The following CMTM8 variants were observed in gnomAD, a reference collection of about 807,000 sequenced individuals.
CMTM8 encodes the protein CKLF-like MARVEL transmembrane domain-containing protein 8.
A neutral mutation model predicts 18.6 loss-of-function variants in CMTM8; 12 were observed. That is an observed-to-expected ratio of 0.65 (90% CI 0.41 to 1.05). The LOEUF (loss-of-function observed/expected upper bound fraction) is 1.05. CMTM8 is among the 50% of genes least tolerant of loss of function. The pLI is 0.00. For synonymous variants in CMTM8, 87 were observed against 90.6 expected (o/e 0.96, Z 0.23); for missense variants, 217 against 227.2 (o/e 0.95, Z 0.29).
rs1468841468 is a variant in CMTM8, at chr3:32,285,042, TG to T, written c.147+45925del. On this transcript the variant is annotated intron_variant, in intron 1 of 3. Coordinates refer to ENST00000307526, the MANE Select transcript of CMTM8 (RefSeq NM_178868.5). The stretch of plus-strand genomic sequence containing the variant: ...GTACACACCTTTTCCTCATATGACC[TG>T]GTTCAAGAGCAAATGGAAATTCCTC... Among the ~76,000 whole-genome samples the T allele has an allele frequency of 1.1e-4, 17 of 152,294 alleles. No individual in the cohort carries two copies. The East Asian group carries it at 3.1e-3, about 28-fold the overall frequency.
At chr3:32,279,885 A>G (rs981790892) in intron 1 of CMTM8, among the ~76,000 whole-genome samples, 35 of 147,796 alleles carry the variant, frequency 2.4e-4, no homozygotes, top group Non-Finnish European at 4.2e-4. Flanking sequence ...CTGGTGTGAG[A>G]TGATATCTCA....
intron 2 of CMTM8, among the ~76,000 whole-genome samples, chr3:32,361,289 T>TTTTTTTTTGTTTTTTTTTTTG (rs200857947): frequency 2.8e-5 from 4 of 143,646 alleles, no homozygotes; most frequent in African/African-American, 1.0e-4. Flanking sequence ...CCTAAGAGTT[T>TTTTTTTTTGTTTTTTTTTTTG]TTTTTTCTTT....
chr3:32,309,826 C>T (rs1446230366), intron 1 of CMTM8, among the ~76,000 whole-genome samples: 1 of 152,182 alleles, frequency 6.6e-6, no homozygotes, highest in African/African-American at 2.4e-5. Context: ...TCCTAAGTCA[C>T]AGTAGGGGAT....
At chr3:32,284,657 T>C (rs1315531031) in intron 1 of CMTM8, among the ~76,000 whole-genome samples, 6 of 152,224 alleles carry the variant, frequency 3.9e-5, no homozygotes, top group Admixed American at 6.5e-5. Context: ...ACAGAGGGCA[T>C]GAACTGTGTC....
At chr3:32,244,335 A>C (rs1300747543) in intron 1 of CMTM8, among the ~76,000 whole-genome samples, 1 of 152,188 alleles carries the variant, frequency 6.6e-6, no homozygotes. Context: ...GATTACAGAC[A>C]TGCACTGCCA....
intron 1 of CMTM8, among the ~76,000 whole-genome samples, chr3:32,326,923 A>G (rs1575177995): frequency 6.6e-6 from 1 of 152,288 alleles, no homozygotes; most frequent in South Asian, 2.1e-4. Context: ...ATGGGATTCC[A>G]CTTCCTGGAC....
intron 1 of CMTM8, among the ~76,000 whole-genome samples, chr3:32,356,947 AC>A (rs1395514161): frequency 1.5e-4 from 23 of 151,662 alleles, no homozygotes; most frequent in Admixed American, 1.5e-3. Flanking sequence ...TTTTAAGAGA[AC>A]CCCCTAAAAC....
At chr3:32,242,108 C>T (rs1251839387) in intron 1 of CMTM8, among the ~76,000 whole-genome samples, 1 of 152,196 alleles carries the variant, frequency 6.6e-6, no homozygotes, top group Non-Finnish European at 1.5e-5. Context: ...TTCCCATGTC[C>T]AGTGTCCTCT....
intron 1 of CMTM8, among the ~76,000 whole-genome samples, chr3:32,240,225 C>G (rs1222906433): frequency 2.0e-5 from 3 of 152,190 alleles, no homozygotes; most frequent in Non-Finnish European, 1.5e-5. Context: ...CTTGCTCCCC[C>G]AGTCTCAGAT....
chr3:32,332,724 A>G (rs1359744521), intron 1 of CMTM8, among the ~76,000 whole-genome samples: 2 of 152,102 alleles, frequency 1.3e-5, no homozygotes, highest in African/African-American at 4.8e-5. Flanking sequence ...CTCCTGTAAG[A>G]GGAGAGAGAT....
chr3:32,312,025 G>T (rs1695828358), intron 1 of CMTM8, among the ~76,000 whole-genome samples: 1 of 152,208 alleles, frequency 6.6e-6, no homozygotes, highest in African/African-American at 2.4e-5. Flanking sequence ...TTGTTTTCAA[G>T]AATTCTCCTT....
chr3:32,264,335 A>G (rs971079896), intron 1 of CMTM8, among the ~76,000 whole-genome samples: 42 of 152,340 alleles, frequency 2.8e-4, no homozygotes, highest in African/African-American at 8.9e-4. Context: ...CCAGAATTTC[A>G]TGTCCAGCCA....
rs569033291 is a variant in CMTM8, at chr3:32,363,942, C to T, written c.322-3930C>T. Among the ~76,000 whole-genome samples, 29 of 152,300 alleles carry T rather than the reference C, an allele frequency of 1.9e-4. 1 individual carries two copies. Among genetic ancestry groups the T allele is most frequent in the Admixed American group, 1.6e-3 (24 of 15,312 alleles). ...ATTCTTAGCCAGCATCAGCCTGTAC[C>T]TTTTCCTCAGCCTTTGCCCAGACCC... On this transcript the variant is annotated intron_variant, in intron 2 of 3. Transcript: ENST00000307526.
intron 1 of CMTM8, among the ~76,000 whole-genome samples, chr3:32,246,718 C>A (rs1702020389): frequency 6.6e-6 from 1 of 152,170 alleles, no homozygotes; most frequent in Admixed American, 6.5e-5. Flanking sequence ...TCCATAACAT[C>A]TTTTAAGCTA....
intron 1 of CMTM8, among the ~76,000 whole-genome samples, chr3:32,325,863 G>C (rs942922503): frequency 4.6e-5 from 7 of 152,014 alleles, no homozygotes; most frequent in Middle Eastern, 3.2e-3. Flanking sequence ...AAGCCCAAAG[G>C]GGTGAGCAGC....
chr3:32,351,974 C>T (rs1039190726), intron 1 of CMTM8, among the ~76,000 whole-genome samples: 5 of 151,820 alleles, frequency 3.3e-5, no homozygotes, highest in East Asian at 1.9e-4. Flanking sequence ...GTCAGGAATT[C>T]GAGACCAGCC....
intron 1 of CMTM8, among the ~76,000 whole-genome samples, chr3:32,265,475 G>C (rs1170712543): frequency 6.6e-6 from 1 of 152,094 alleles, no homozygotes; most frequent in African/African-American, 2.4e-5. Flanking sequence ...GAAATTTATA[G>C]CACTAAATGC....
intron 1 of CMTM8, among the ~76,000 whole-genome samples, chr3:32,263,909 A>C (rs898670148): frequency 6.6e-6 from 1 of 152,220 alleles, no homozygotes; most frequent in Non-Finnish European, 1.5e-5. Context: ...AAAAAAGAAT[A>C]AAAAGAAACG....
intron 1 of CMTM8, among the ~76,000 whole-genome samples, chr3:32,283,531 G>T (rs1026624935): frequency 2.0e-5 from 3 of 152,168 alleles, no homozygotes; most frequent in African/African-American, 7.2e-5. Flanking sequence ...GAACAGGATG[G>T]CGACAGTTTA....
Sources: allele counts gnomAD v4.1 joint callset (sites outside exome capture counted in the v4.1 genomes callset), GRCh38; gene constraint gnomAD v4.1.1; transcripts MANE v1.5; gene names NCBI Gene and HGNC (gene_info 2026-07-23, HGNC 2026-07-21).